NPIPA5: variants seen among roughly 807,000 people sequenced by gnomAD.
The protein encoded by NPIPA5 is nuclear pore complex interacting protein family member A5, also known as nuclear pore complex-interacting protein family member A5.
A neutral mutation model predicts 21.4 loss-of-function variants in NPIPA5; 6 were observed. The observed-to-expected ratio is 0.28, with a 90% CI of 0.15 to 0.55. The LOEUF is 0.55. Ranked by LOEUF, NPIPA5 falls within the 20% of genes least tolerant of loss-of-function variation. NPIPA5 has a pLI of 0.93. For synonymous variants in NPIPA5, 33 were observed against 115.3 expected, an observed-to-expected ratio of 0.29 and a Z score of 4.57; for missense variants, 99 against 318.2, an observed-to-expected ratio of 0.31 and a Z score of 5.24.
chr16:15,372,664 A>T (rs2050188390), intron 2 of NPIPA5, among the ~76,000 whole-genome samples: 1 of 145,756 alleles, frequency 6.9e-6, no homozygotes, highest in African/African-American at 2.5e-5. Flanking sequence ...CTAGGCAGTA[A>T]AACTGAAACA....
upstream of NPIPA5, chr16:15,381,423 A>T: frequency 1.2e-6 from 1 of 833,808 alleles, no homozygotes; most frequent in Non-Finnish European, 1.4e-6. Context: ...TCTGTGCCTG[A>T]AACCTACAAA....
At chr16:15,370,542 G>C (rs1296423283) in intron 2 of NPIPA5, among the ~76,000 whole-genome samples, 1 of 146,184 alleles carries the variant, frequency 6.8e-6, no homozygotes, top group African/African-American at 2.5e-5. Flanking sequence ...ACCTGAGGTC[G>C]GGAGTTTGAG....
At chr16:15,379,958 AAT>A (rs1002877306), upstream of NPIPA5, among the ~76,000 whole-genome samples, 23 of 150,690 alleles carry the variant, frequency 1.5e-4, no homozygotes, top group African/African-American at 3.2e-4. Context: ...AAAAATAAAA[AAT>A]ATATATATAT....
intron 4 of NPIPA5, among the ~76,000 whole-genome samples, chr16:15,369,178 G>C (rs537453541): frequency 2.7e-5 from 4 of 148,218 alleles, no homozygotes; most frequent in East Asian, 4.2e-4. Flanking sequence ...AAAAAAGCCT[G>C]GGTGTGGTGG....
intron 4 of NPIPA5, 44 bp from the exon 5 acceptor site, chr16:15,366,804 T>A (rs1461615055): frequency 5.7e-5 from 85 of 1,501,622 alleles, no homozygotes; most frequent in Non-Finnish European, 7.3e-5. Flanking sequence ...CCAGCCCGTG[T>A]GGGATTCCCT....
At chr16:15,380,842 C>G, upstream of NPIPA5, 1 of 625,744 alleles carries the variant, frequency 1.6e-6, no homozygotes, top group Non-Finnish European at 2.7e-6. Context: ...AAGCTTCCCC[C>G]AGCATCACCC....
At chr16:15,375,382 TA>T (rs534006744) in intron 1 of NPIPA5, among the ~76,000 whole-genome samples, 1,992 of 87,000 alleles carry the variant, frequency 0.023, 120 homozygotes, top group African/African-American at 0.063. Flanking sequence ...TCAGCATAAG[TA>T]AAAAAAAAAA....
chr16:15,377,078 G>A (rs1018106184), intron 1 of NPIPA5, among the ~76,000 whole-genome samples: 4 of 151,804 alleles, frequency 2.6e-5, no homozygotes, highest in African/African-American at 9.7e-5. Flanking sequence ...GTGCAGCGGG[G>A]CCATCTCGGC....
chr16:15,368,962 G>C (rs1345798203), intron 4 of NPIPA5, among the ~76,000 whole-genome samples: 1 of 89,630 alleles, frequency 1.1e-5, no homozygotes. Context: ...CTGGGTGACA[G>C]AGTGAGACTC....
upstream of NPIPA5, among the ~76,000 whole-genome samples, chr16:15,378,917 C>T (rs1291539774): frequency 7.4e-6 from 1 of 135,252 alleles, no homozygotes; most frequent in Non-Finnish European, 1.6e-5. Flanking sequence ...ATCAGCTTCT[C>T]TCCTAAGGTA....
chr16:15,379,714 G>A (rs565119762), upstream of NPIPA5, among the ~76,000 whole-genome samples: 19 of 152,240 alleles, frequency 1.2e-4, no homozygotes, highest in South Asian at 3.9e-3. Flanking sequence ...TTGGGAGGCT[G>A]AGGCAGGCGG....
chr16:15,381,092 G>A (rs532219686), upstream of NPIPA5: 1 of 1,539,504 alleles, frequency 6.5e-7, no homozygotes, highest in East Asian at 2.4e-5. Flanking sequence ...CAACCTATTA[G>A]ACAATTTTAA....
At chr16:15,368,389 C>T (rs1897840215) in intron 4 of NPIPA5, among the ~76,000 whole-genome samples, 1 of 152,088 alleles carries the variant, frequency 6.6e-6, no homozygotes, top group Non-Finnish European at 1.5e-5. Context: ...CAGAAGTAGA[C>T]TCCCATCTCT....
chr16:15,381,110 A>G (rs2050427468), upstream of NPIPA5: 4 of 1,537,146 alleles, frequency 2.6e-6, no homozygotes, highest in Admixed American at 7.8e-5. Flanking sequence ...TAAAAAAAAA[A>G]GTGTTGAATG....
chr16:15,377,614 G>A (rs193262704), intron 1 of NPIPA5, among the ~76,000 whole-genome samples: 107 of 127,410 alleles, frequency 8.4e-4, no homozygotes, highest in South Asian at 1.3e-3. Context: ...GACCGGGGCC[G>A]GATCTGAGTT....
intron 1 of NPIPA5, among the ~76,000 whole-genome samples, chr16:15,377,653 G>A (rs1363324591): frequency 2.7e-5 from 3 of 109,700 alleles, no homozygotes; most frequent in Non-Finnish European, 3.8e-5. Context: ...GGGAGGGGAA[G>A]GGGAAGGGGA....
At chr16:15,379,506 G>A (rs2150891250), upstream of NPIPA5, among the ~76,000 whole-genome samples, 1 of 152,110 alleles carries the variant, frequency 6.6e-6, no homozygotes, top group East Asian at 1.9e-4. Flanking sequence ...GGCAGAGTCT[G>A]CAGTGAGCCG....
intron 4 of NPIPA5, among the ~76,000 whole-genome samples, chr16:15,368,179 G>A (rs530359266): frequency 8.7e-4 from 123 of 140,760 alleles, no homozygotes; most frequent in Admixed American, 3.4e-3. Flanking sequence ...GCACACATGC[G>A]TGGGGTTAGA....
chr16:15,376,056 A>T (rs943612179), intron 1 of NPIPA5, among the ~76,000 whole-genome samples: 1 of 152,078 alleles, frequency 6.6e-6, no homozygotes, highest in Non-Finnish European at 1.5e-5. Context: ...TTAGAGAAGC[A>T]TACAACAATG....
Sources: allele counts gnomAD v4.1 joint callset (sites outside exome capture counted in the v4.1 genomes callset), GRCh38; gene constraint gnomAD v4.1.1; transcripts MANE v1.5; gene names NCBI Gene and HGNC (gene_info 2026-07-23, HGNC 2026-07-21).